NECTIN1: variants seen among roughly 807,000 people sequenced by gnomAD.
NECTIN1 encodes nectin-1.
Under a neutral mutation model 48.0 loss-of-function variants are expected in NECTIN1, and 23 were observed. The observed-to-expected ratio is 0.48, with a 90% confidence interval of 0.34 to 0.68. The LOEUF (loss-of-function observed/expected upper bound fraction) is 0.68, where lower values mean the gene tolerates loss of function less well. Among genes scored for constraint, NECTIN1 ranks in the 30% least tolerant of loss-of-function variants. The pLI is 0.01. For missense variants in NECTIN1, 591 were observed against 709.9 expected (o/e 0.83, Z 1.90); for synonymous variants, 270 against 288.9 (o/e 0.93, Z 0.66).
chr11:119,703,237 G>A lies in NECTIN1; in HGVS notation c.80-24472C>T, dbSNP rs1387435796. 2.0e-5 allele frequency among the ~76,000 whole-genome samples: 3 copies of A among 152,244 alleles called. No homozygotes were observed. In the East Asian group the frequency reaches 5.8e-4, roughly 29 times the overall value. ...TGGGACCCACGTGGGTTTGAGAAAT[G>A]CTCCTGGCAGAGGATCTGACCACGA... On this transcript the variant is annotated intron_variant, in intron 1 of 5. Coordinates refer to ENST00000264025, the MANE Select transcript of NECTIN1 (RefSeq NM_002855.5).
At chr11:119,652,046 C>T (rs1864499437) in intron 5 of NECTIN1, among the ~76,000 whole-genome samples, 1 of 152,178 alleles carries the variant, frequency 6.6e-6, no homozygotes, top group African/African-American at 2.4e-5. Context: ...TATTACCTCC[C>T]TCCCGCCGGC....
intron 5 of NECTIN1, among the ~76,000 whole-genome samples, chr11:119,645,915 A>G (rs1485514798): frequency 2.6e-5 from 4 of 152,202 alleles, no homozygotes; most frequent in African/African-American, 9.6e-5. Flanking sequence ...TCCTTGGCTC[A>G]GACTCAGCCA....
chr11:119,677,032 G>A lies in NECTIN1; in HGVS notation c.851+70C>T, dbSNP rs1864962965. The A allele has an allele frequency of 7.5e-7, 1 of 1,325,504 alleles. No individual in the cohort carries two copies. The highest frequency in any genetic ancestry group is 1.7e-5 in the Admixed American group (1 of 59,638). 82.1% of individuals were successfully genotyped at this position (1,325,504 alleles called of 1,614,324 possible). A position where few individuals can be genotyped will look rare whatever the true frequency, so the allele number is the denominator to read the frequency against. ...GCCTAAAGGCTCCTGGAGGTAGGATGGTTGCCCCTCATCACCCGTGGTCCA... is the reference window on the plus strand; with the variant it reads ...GCCTAAAGGCTCCTGGAGGTAGGATAGTTGCCCCTCATCACCCGTGGTCCA... On this transcript the variant is annotated intron_variant, in intron 4 of 5. Transcript: ENST00000264025. The surrounding 1 kb of genome is among the most constrained non-coding windows in gnomAD (Gnocchi z 5.4).
rs182546972 is a variant in NECTIN1 at position 119,720,447 on chromosome 11, T to C, written c.79+8028A>G. Reference sequence around the variant, plus strand: ...GCAGACTCACATCTGCCCCAGCAGATTGGCGCTCCCATCTCCACTGACTCA... The same window carrying C: ...GCAGACTCACATCTGCCCCAGCAGACTGGCGCTCCCATCTCCACTGACTCA... On this transcript the variant is annotated intron_variant, in intron 1 of 5. Coordinates refer to ENST00000264025, the MANE Select transcript of NECTIN1 (RefSeq NM_002855.5). Among the ~76,000 whole-genome samples, 251 of 152,380 alleles carry C rather than the reference T, an allele frequency of 1.6e-3. 1 individual carries two copies. The highest frequency in any genetic ancestry group is 5.7e-3 in the African/African-American group (238 of 41,600).
intron 1 of NECTIN1, among the ~76,000 whole-genome samples, chr11:119,726,173 A>C (rs1022650585): frequency 6.6e-6 from 1 of 152,168 alleles, no homozygotes; most frequent in Non-Finnish European, 1.5e-5. Flanking sequence ...GTCACAGCCC[A>C]GGAAAACCCT....
At chr11:119,697,670 A>C (rs1442112963) in intron 1 of NECTIN1, among the ~76,000 whole-genome samples, 1 of 152,198 alleles carries the variant, frequency 6.6e-6, no homozygotes, top group Non-Finnish European at 1.5e-5. Flanking sequence ...TGGTTGAGAA[A>C]TTTGCCAAGT....
rs1865599160 is a variant in NECTIN1, at chr11:119,709,426, A to G, written c.79+19049T>C. Among the ~76,000 whole-genome samples, 1 of 152,108 alleles carries G rather than the reference A, an allele frequency of 6.6e-6. No individual in the cohort carries two copies. Among genetic ancestry groups the G allele is most frequent in the Non-Finnish European group, 1.5e-5 (1 of 67,988 alleles). ...GGGCCGGGGGAGAGCCTGCAGGGGC[A>G]GGGGCGCAGAGGAAGCCGAGACTAC... On this transcript the variant is annotated intron_variant, in intron 1 of 5. Coordinates refer to ENST00000264025, the MANE Select transcript of NECTIN1 (RefSeq NM_002855.5). The surrounding 1 kb of genome is among the most constrained non-coding windows in gnomAD (Gnocchi z 4.1).
chr11:119,727,407 AT>A lies in NECTIN1; in HGVS notation c.79+1067del, dbSNP rs140938353. On this transcript the variant is annotated intron_variant, in intron 1 of 5. Transcript: ENST00000264025. This position sits in a 1 kb window ranked among gnomAD's most constrained non-coding sequence, Gnocchi z 4.1. Reference sequence around the variant, plus strand: ...GATCCGCCCCCCTCCCCAAAATCCCATCTTGCTAGAGCTGCAGGTCGTCTCT... The same window carrying A: ...GATCCGCCCCCCTCCCCAAAATCCCACTTGCTAGAGCTGCAGGTCGTCTCT... Among the ~76,000 whole-genome samples the A allele has an allele frequency of 1.0e-3, 159 of 151,752 alleles. 1 individual carries two copies. Among genetic ancestry groups the A allele is most frequent in the African/African-American group, 3.6e-3 (147 of 41,372 alleles).
rs1007412638 is a variant in NECTIN1, at chr11:119,661,187, C to T, written c.*3560G>A. ...GACGCCGAAGCAAGGTAGCGCATCA[C>T]GCTGGGAGGGGAGGGTGGCAGCTTC... On this transcript the variant is annotated 3_prime_UTR_variant, in exon 6 of 6. Transcript: ENST00000264025. 1.0e-5 allele frequency: 10 copies of T among 985,738 alleles called. No homozygotes were observed. Among genetic ancestry groups the T allele is most frequent in the Admixed American group, 6.1e-5 (1 of 16,274 alleles). 61.1% of individuals were successfully genotyped at this position (985,738 alleles called of 1,614,324 possible). A position where few individuals can be genotyped will look rare whatever the true frequency, so the allele number is the denominator to read the frequency against.
rs1019624545 is a variant in NECTIN1 at position 119,673,339 on chromosome 11, C to A, written c.1003+1820G>T. ...TATCAATGATTCAGTGAGTGCCATG[C>A]GTCCCTGGCTCCTGCCTAACGGGGC... On this transcript the variant is annotated intron_variant, in intron 5 of 5. Coordinates refer to ENST00000264025, the MANE Select transcript of NECTIN1 (RefSeq NM_002855.5). The surrounding 1 kb of genome is among the most constrained non-coding windows in gnomAD (Gnocchi z 5.8). Among the ~76,000 whole-genome samples the A allele has an allele frequency of 1.3e-5, 2 of 152,174 alleles. No homozygotes were observed. The highest frequency in any genetic ancestry group is 4.8e-5 in the African/African-American group (2 of 41,440).
At chr11:119,638,704 C>T (rs200357345) in intron 7 of NECTIN1, 41 of 1,602,404 alleles carry the variant, frequency 2.6e-5, no homozygotes, top group Non-Finnish European at 3.4e-5. Context: ...AGTCCAGGGA[C>T]CTTGTCCTCT....
Position 119,661,148 on chromosome 11 carries a change from G to A in NECTIN1, c.*3599C>T, listed in dbSNP as rs1036385753. 1.3e-5 allele frequency: 13 copies of A among 985,700 alleles called. No homozygotes were observed. The highest frequency in any genetic ancestry group is 5.2e-5 in the African/African-American group (3 of 57,240). 61.1% of individuals were successfully genotyped at this position (985,700 alleles called of 1,614,324 possible). A position where few individuals can be genotyped will look rare whatever the true frequency, so the allele number is the denominator to read the frequency against. On this transcript the variant is annotated 3_prime_UTR_variant, in exon 6 of 6. Transcript: ENST00000264025. ...GCTGGGCTGTCCCTGGACCAAAGGC[G>A]GAAAGGGCGACAAGACGCCGAAGCA... is the stretch of plus-strand genomic sequence containing the variant.
Position 119,664,468 on chromosome 11 carries a change from G to C in NECTIN1, c.*279C>G, listed in dbSNP as rs1414606568. 6 of 1,301,634 alleles carry C rather than the reference G, an allele frequency of 4.6e-6. No individual in the cohort carries two copies. Among genetic ancestry groups the C allele is most frequent in the East Asian group, 6.4e-5 (2 of 31,204 alleles). The allele number at this position is 1,301,634 out of a possible 1,614,324, so 80.6% of individuals were successfully genotyped here. A position where few individuals can be genotyped will look rare whatever the true frequency, so the allele number is the denominator to read the frequency against. ...ACGAGAACAGGGCTCCCTACACAGA[G>C]GGCAGGCAGGTGGGGCCCGTAAAGG... On this transcript the variant is annotated 3_prime_UTR_variant, in exon 6 of 6. Transcript: ENST00000264025.
chr11:119,671,303 G>T (rs1864858717), intron 5 of NECTIN1, among the ~76,000 whole-genome samples: 1 of 152,066 alleles, frequency 6.6e-6, no homozygotes, highest in African/African-American at 2.4e-5. Context: ...AGGGTCATTT[G>T]TGTTTGCTGG....
Position 119,728,942 on chromosome 11 carries a change from T to G in NECTIN1, c.-389A>C. ...TCCTGGCCCCGGCCCGCTCACACCC[T>G]CCCGCTCGGCTCCAACTTGCAGGCG... On this transcript the variant is annotated 5_prime_UTR_variant, in exon 1 of 6. Transcript: ENST00000264025. 1 of 163,742 alleles carries G rather than the reference T, an allele frequency of 6.1e-6. No individual in the cohort carries two copies. Among genetic ancestry groups the G allele is most frequent in the Non-Finnish European group, 1.3e-5 (1 of 76,176 alleles). 10.1% of individuals were successfully genotyped at this position (163,742 alleles called of 1,614,324 possible).
At chr11:119,651,474 G>T (rs1864488892) in intron 5 of NECTIN1, among the ~76,000 whole-genome samples, 1 of 152,150 alleles carries the variant, frequency 6.6e-6, no homozygotes, top group Non-Finnish European at 1.5e-5. Context: ...TAAGTGGGCT[G>T]TCGGAGGAGA....
intron 1 of NECTIN1, among the ~76,000 whole-genome samples, chr11:119,696,295 C>T (rs887024383): frequency 4.6e-5 from 7 of 152,170 alleles, no homozygotes; most frequent in African/African-American, 1.7e-4. Context: ...CCGCACAGTG[C>T]TCAGCGACTC....
Position 119,678,586 on chromosome 11 carries a change from C to A in NECTIN1, c.259G>T (p.Val87Leu), listed in dbSNP as rs141573833. 1 of 1,614,188 alleles carries A rather than the reference C, an allele frequency of 6.2e-7. No individual in the cohort carries two copies. The highest frequency in any genetic ancestry group is 1.1e-5 in the South Asian group (1 of 91,084). Reference protein sequence around the residue: ...NVAIYNPSMGVSVLAPYRERV... With the variant: ...NVAIYNPSMGLSVLAPYRERV... ...TCGCGGTAGGGAGCCAGCACGGACA[C>A]GCCCATGGATGGGTTGTAGATGGCC... The change falls in exon 2 of 6, where the codon GTG (valine) becomes TTG (leucine). Residue 87 changes from valine (V) to leucine (L), a missense_variant. Val to Leu is a conservative substitution (Grantham distance 32, BLOSUM62 1). Coordinates refer to ENST00000264025, the MANE Select transcript of NECTIN1 (RefSeq NM_002855.5). This position sits in a 1 kb window ranked among gnomAD's most constrained non-coding sequence, Gnocchi z 4.4.
intron 1 of NECTIN1, among the ~76,000 whole-genome samples, chr11:119,679,583 C>T (rs1865024319): frequency 6.6e-6 from 1 of 152,196 alleles, no homozygotes; most frequent in African/African-American, 2.4e-5. Context: ...TCTCCATCAG[C>T]CACACTTTCC....
Sources: gnomAD v4.1 joint callset for allele counts (sites outside exome capture counted in the v4.1 genomes callset) on GRCh38, gnomAD v4.1.1 for gene constraint, Gnocchi (gnomAD v3.1) non-coding constraint, MANE v1.5 for transcripts, NCBI Gene and HGNC (gene_info 2026-07-23, HGNC 2026-07-21) for gene names.